The following STK25 variants were observed in gnomAD, a reference collection of about 807,000 sequenced individuals.
STK25 encodes the protein serine/threonine kinase 25.
Under a neutral mutation model 53.8 loss-of-function variants are expected in STK25, and 29 were observed. The ratio of observed to expected loss-of-function variants is 0.54; its 90% CI spans 0.40 to 0.74. The LOEUF (loss-of-function observed/expected upper bound fraction) is 0.74, where lower values mean the gene tolerates loss of function less well. Ranked by LOEUF, STK25 falls within the 30% of genes least tolerant of loss-of-function variation. The pLI is 0.00. For synonymous variants in STK25, 247 were observed against 238.3 expected (o/e 1.04, Z -0.33); for missense variants, 420 against 568.0 (o/e 0.74, Z 2.65).
chr2:241,500,367 T>C, intron 4 of STK25, 86 bp from the exon 5 acceptor site: 1 of 935,784 alleles, frequency 1.1e-6, no homozygotes, highest in South Asian at 1.4e-5. Flanking sequence ...AGGGAAGGGC[T>C]GTCCCTGCAG....
At position 241,493,957 on chromosome 2, in the gene STK25, G is replaced by C; in HGVS notation, c.*1705C>G. On this transcript the variant is annotated 3_prime_UTR_variant, in exon 12 of 12. Coordinates refer to ENST00000316586, the MANE Select transcript of STK25 (RefSeq NM_001271977.2). ...CATATCCTGGGTTGTTCTTGGGACA[G>C]TGTCTGAGCACAAGATGGCTCACTG... is the stretch of plus-strand genomic sequence containing the variant. 1 of 1,162,040 alleles carries C rather than the reference G, an allele frequency of 8.6e-7. No homozygotes were observed. The highest frequency in any genetic ancestry group is 1.2e-6 in the Non-Finnish European group (1 of 862,806). The allele number at this position is 1,162,040 out of a possible 1,614,324, so 72.0% of individuals were successfully genotyped here. A position where few individuals can be genotyped will look rare whatever the true frequency, so the allele number is the denominator to read the frequency against.
chr2:241,499,430 C>A lies in STK25; in HGVS notation c.428-16G>T, dbSNP rs775342135. On this transcript the variant is annotated splice_polypyrimidine_tract_variant and intron_variant, in intron 5 of 11. Coordinates refer to ENST00000316586, the MANE Select transcript of STK25 (RefSeq NM_001271977.2). The stretch of plus-strand genomic sequence containing the variant: ...ACGTTGGCAGCTGCTTGACACAGGA[C>A]AGGCAGGCGTCATCCCAGGCTCCAC... 1.2e-6 allele frequency: 2 copies of A among 1,611,088 alleles called. No homozygotes were observed. Among genetic ancestry groups the A allele is most frequent in the Non-Finnish European group, 1.7e-6 (2 of 1,178,454 alleles).
intron 2 of STK25, among the ~76,000 whole-genome samples, chr2:241,504,923 C>CTTT (rs68072887): frequency 3.2e-4 from 47 of 145,372 alleles, no homozygotes; most frequent in Non-Finnish European, 4.7e-4. Flanking sequence ...TCTTCTTTTT[C>CTTT]TTTTTTTTTT....
At chr2:241,506,081 C>A (rs143517612) in intron 2 of STK25, among the ~76,000 whole-genome samples, 3 of 152,232 alleles carry the variant, frequency 2.0e-5, no homozygotes, top group African/African-American at 7.2e-5. Context: ...CACAGCCATT[C>A]GGGCCCTCCA....
chr2:241,499,091 G>T lies in STK25; in HGVS notation c.669C>A (p.Val223=). 2 of 1,614,138 alleles carry T rather than the reference G, an allele frequency of 1.2e-6. No individual in the cohort carries two copies. Among genetic ancestry groups the T allele is most frequent in the South Asian group, 2.2e-5 (2 of 91,086 alleles). ...PPNSDLHPMR[V]LFLIPKNSPP... ...GGCTGTTCTTGGGAATCAGGAACAG[G>T]ACGCGCATGGGGTGGAGGTCAGAGT... The change falls in exon 7 of 12, where the codon GTC becomes GTA. Residue 223 remains valine (V), a synonymous_variant. Transcript: ENST00000316586.
At chr2:241,508,827 G>A (rs768775656), upstream of STK25, 18 of 871,644 alleles carry the variant, frequency 2.1e-5, no homozygotes, top group Non-Finnish European at 2.3e-5. Context: ...GGCGGGCGGG[G>A]CACGTGGTCG....
Position 241,501,523 on chromosome 2 carries a change from C to A in STK25, c.216G>T (p.Gln72His), listed in dbSNP as rs1457820487. 6.2e-7 allele frequency: 1 copy of A among 1,614,104 alleles called. No homozygotes were observed. ...AGCGGGTGATGTAGGGGCTGTCGCA[C>A]TGACTGAGGACAGTGATCTCCTGCT... is the stretch of plus-strand genomic sequence containing the variant. The part of the protein sequence containing the change: ...DIQQEITVLS[Q>H]CDSPYITRYF... Residue 72 changes from glutamine to histidine, a missense_variant, in exon 3 of 12, where the codon CAG becomes CAT. Coordinates refer to ENST00000316586, the MANE Select transcript of STK25 (RefSeq NM_001271977.2). This position sits in a 1 kb window ranked among gnomAD's most constrained non-coding sequence, Gnocchi z 5.3.
intron 9 of STK25, 83 bp downstream of exon 9, chr2:241,498,152 G>A (rs1660127944): frequency 3.9e-6 from 5 of 1,292,526 alleles, no homozygotes; most frequent in Non-Finnish European, 5.6e-6. Context: ...CCAGACACTG[G>A]GTGGACAAAG....
rs1172996353 is a variant in STK25, at chr2:241,508,116, G to A, written c.-81C>T. On this transcript the variant is annotated 5_prime_UTR_variant, in exon 2 of 12. Coordinates refer to ENST00000316586, the MANE Select transcript of STK25 (RefSeq NM_001271977.2). ...GGAGAGGCGCGGAGCCGGCTAGCTC[G>A]CCCCTGCGGCGTCAGTCCACTGCGA... is the stretch of plus-strand genomic sequence containing the variant. 42 of 1,533,208 alleles carry A rather than the reference G, an allele frequency of 2.7e-5. No homozygotes were observed. The highest frequency in any genetic ancestry group is 3.5e-5 in the Non-Finnish European group (40 of 1,140,754). 95.0% of individuals were successfully genotyped at this position (1,533,208 alleles called of 1,614,324 possible).
chr2:241,509,056 G>A (rs2066024376), upstream of STK25, among the ~76,000 whole-genome samples: 1 of 152,240 alleles, frequency 6.6e-6, no homozygotes, highest in Admixed American at 6.5e-5. Context: ...TTGTCGTCAC[G>A]GCACGGAGAT....
chr2:241,505,209 C>A (rs1214060697), intron 2 of STK25, among the ~76,000 whole-genome samples: 2 of 152,046 alleles, frequency 1.3e-5, no homozygotes, highest in Non-Finnish European at 2.9e-5. Flanking sequence ...CTCCAGCAGG[C>A]CCAACGCCAC....
chr2:241,493,524 G>A lies in STK25; in HGVS notation c.*2138C>T, dbSNP rs2065008501. Reference sequence around the variant, plus strand: ...TCCCATTTCTACTCATGGTGGTGGAGGCAAGTTTTCTGGGCCCTGGAAAGG... The same window carrying A: ...TCCCATTTCTACTCATGGTGGTGGAAGCAAGTTTTCTGGGCCCTGGAAAGG... On this transcript the variant is annotated 3_prime_UTR_variant, in exon 12 of 12. Coordinates refer to ENST00000316586, the MANE Select transcript of STK25 (RefSeq NM_001271977.2). 7.1e-7 allele frequency: 1 copy of A among 1,410,252 alleles called. No individual in the cohort carries two copies. The highest frequency in any genetic ancestry group is 1.7e-5 in the Admixed American group (1 of 57,866). 87.4% of individuals were successfully genotyped at this position (1,410,252 alleles called of 1,614,324 possible).
In STK25 at chr2:241,493,149, A is replaced by G; in HGVS notation, c.*2513T>C. On this transcript the variant is annotated 3_prime_UTR_variant, in exon 12 of 12. Coordinates refer to ENST00000316586, the MANE Select transcript of STK25 (RefSeq NM_001271977.2). ...TTCTGCCCTCCCATGCTTTGCCCAC[A>G]CACCCTGTGCTGTGTGAACAGGGAA... is the stretch of plus-strand genomic sequence containing the variant. 8.6e-7 allele frequency: 1 copy of G among 1,164,630 alleles called. No individual in the cohort carries two copies. Among genetic ancestry groups the G allele is most frequent in the African/African-American group, 1.5e-5 (1 of 66,026 alleles). The allele number at this position is 1,164,630 out of a possible 1,614,324, so 72.1% of individuals were successfully genotyped here.
chr2:241,499,770 T>TCC, intron 5 of STK25: 2 of 466,060 alleles, frequency 4.3e-6, no homozygotes, highest in Non-Finnish European at 7.9e-6. Flanking sequence ...ACCAGAATCG[T>TCC]CCCCTACATG....
At chr2:241,500,650 A>C (rs918266522) in intron 4 of STK25, 90 bp downstream of exon 4, 52 of 1,352,352 alleles carry the variant, frequency 3.8e-5, no homozygotes, top group Non-Finnish European at 5.4e-5. Context: ...CCATGACACC[A>C]AACGAGAGGT....
At chr2:241,502,088 C>T (rs773938033) in intron 2 of STK25, 46 of 210,184 alleles carry the variant, frequency 2.2e-4, no homozygotes, top group African/African-American at 4.1e-4. Flanking sequence ...TGCTTGAACC[C>T]GGGAGGCGGA....
intron 4 of STK25, 111 bp from the exon 5 acceptor site, chr2:241,500,392 C>T (rs1206407771): frequency 5.4e-6 from 4 of 737,250 alleles, no homozygotes; most frequent in Non-Finnish European, 9.2e-6. Context: ...CTGGGGGCTT[C>T]GTGTTCCTTT....
At chr2:241,499,201 G>A (rs780818712) in intron 6 of STK25, 27 bp from the exon 7 acceptor site, 10 of 1,613,656 alleles carry the variant, frequency 6.2e-6, no homozygotes, top group African/African-American at 5.3e-5. Context: ...GACTGTTGCT[G>A]CCCTGAGCAC....
At position 241,495,636 on chromosome 2, in the gene STK25, G is replaced by A. The variant is rs756738090; in HGVS notation, c.*26C>T. The A allele has an allele frequency of 1.2e-5, 19 of 1,613,678 alleles. No individual in the cohort carries two copies. The highest frequency in any genetic ancestry group is 6.6e-5 in the South Asian group (6 of 91,090). On this transcript the variant is annotated 3_prime_UTR_variant, in exon 12 of 12. Transcript: ENST00000316586. Reference sequence around the variant, plus strand: ...TCAGAACAAAAACAAACGACCTTCCGTCCCCTATCTGAACAGCAGTGCGCT... The same window carrying A: ...TCAGAACAAAAACAAACGACCTTCCATCCCCTATCTGAACAGCAGTGCGCT...
Sources: gnomAD v4.1 joint callset for allele counts (sites outside exome capture counted in the v4.1 genomes callset) on GRCh38, gnomAD v4.1.1 for gene constraint, Gnocchi (gnomAD v3.1) non-coding constraint, MANE v1.5 for transcripts, NCBI Gene and HGNC (gene_info 2026-07-23, HGNC 2026-07-21) for gene names.